MAP2K5: variants seen among roughly 807,000 people sequenced by gnomAD.
The protein encoded by MAP2K5 is mitogen-activated protein kinase kinase 5.
MAP2K5 carries 49 observed loss-of-function variants against 83.1 expected under a neutral mutation model. That is an observed-to-expected ratio of 0.59 (90% CI 0.47 to 0.75). The LOEUF (loss-of-function observed/expected upper bound fraction) is 0.75, where lower values mean the gene tolerates loss of function less well. MAP2K5 is among the 30% of genes least tolerant of loss of function. MAP2K5 has a pLI of 0.00. For synonymous variants in MAP2K5, 202 were observed against 191.8 expected, an observed-to-expected ratio of 1.05 and a Z score of -0.44; for missense variants, 457 against 557.5, an observed-to-expected ratio of 0.82 and a Z score of 1.82.
intron 1 of MAP2K5, among the ~76,000 whole-genome samples, chr15:67,546,998 G>A (rs1398754788): frequency 6.6e-6 from 1 of 151,794 alleles, no homozygotes; most frequent in African/African-American, 2.4e-5. Flanking sequence ...CCTAGAGGTC[G>A]AGGCTATAGG....
At position 67,755,486 on chromosome 15, in the gene MAP2K5, G is replaced by T. The variant is rs2089816010; in HGVS notation, c.1134+6885G>T. Among the ~76,000 whole-genome samples the T allele has an allele frequency of 1.3e-5, 2 of 152,026 alleles. No individual in the cohort carries two copies. The highest frequency in any genetic ancestry group is 2.9e-5 in the Non-Finnish European group (2 of 68,002). The stretch of plus-strand genomic sequence containing the variant: ...CCTCCATCCTCTTCACTGAGCATCC[G>T]GCCTGGGCTGGCATCAAACAGTGCC... On this transcript the variant is annotated intron_variant, in intron 19 of 21. Coordinates refer to ENST00000178640, the MANE Select transcript of MAP2K5 (RefSeq NM_145160.3). This position sits in a 1 kb window ranked among gnomAD's most constrained non-coding sequence, Gnocchi z 4.7.
intron 13 of MAP2K5, among the ~76,000 whole-genome samples, chr15:67,679,399 A>G (rs951476020): frequency 1.3e-5 from 2 of 152,132 alleles, no homozygotes; most frequent in Non-Finnish European, 2.9e-5. Flanking sequence ...GGGGGGAAAA[A>G]ATCAGTCCAG....
In MAP2K5 at chr15:67,698,333, G is replaced by A. The variant is rs542880894; in HGVS notation, c.972+4765G>A. On this transcript the variant is annotated intron_variant, in intron 15 of 21. Coordinates refer to ENST00000178640, the MANE Select transcript of MAP2K5 (RefSeq NM_145160.3). The surrounding 1 kb of genome is among the most constrained non-coding windows in gnomAD (Gnocchi z 4.5). ...CTCCAGAGTAGCTGGGATTACAGGC[G>A]TGCACCACCACGCCCGGCTAATTTT... is the stretch of plus-strand genomic sequence containing the variant. Among the ~76,000 whole-genome samples, 19 of 152,020 alleles carry A rather than the reference G, an allele frequency of 1.2e-4. No homozygotes were observed. The highest frequency in any genetic ancestry group is 5.8e-4 in the East Asian group (3 of 5,156).
chr15:67,684,412 G>C (rs2087895954), intron 13 of MAP2K5, among the ~76,000 whole-genome samples: 1 of 152,086 alleles, frequency 6.6e-6, no homozygotes, highest in Non-Finnish European at 1.5e-5. Flanking sequence ...TAAAATAAAA[G>C]GTCTAAAATC....
chr15:67,667,719 G>A (rs1363028046), intron 13 of MAP2K5, among the ~76,000 whole-genome samples: 1 of 152,088 alleles, frequency 6.6e-6, no homozygotes, highest in Non-Finnish European at 1.5e-5. Flanking sequence ...ATGGAGATGT[G>A]TTCAGTATCT....
At chr15:67,672,965 T>C (rs964074684) in intron 13 of MAP2K5, among the ~76,000 whole-genome samples, 31 of 152,142 alleles carry the variant, frequency 2.0e-4, no homozygotes, top group African/African-American at 7.2e-4. Flanking sequence ...AAAGATCAGA[T>C]AGTTGTAGAT....
intron 8 of MAP2K5, among the ~76,000 whole-genome samples, chr15:67,613,110 G>T (rs2085968602): frequency 6.6e-6 from 1 of 152,136 alleles, no homozygotes; most frequent in Admixed American, 6.6e-5. Flanking sequence ...ATAGGTGATT[G>T]AAACTGATTA....
intron 11 of MAP2K5, among the ~76,000 whole-genome samples, chr15:67,649,731 A>G (rs544265096): frequency 6.6e-6 from 1 of 152,264 alleles, no homozygotes; most frequent in South Asian, 2.1e-4. Flanking sequence ...GATTACTTGT[A>G]CTTGAAAACT....
At position 67,775,291 on chromosome 15, in the gene MAP2K5, A is replaced by G. The variant is rs923814937; in HGVS notation, c.1242+2539A>G. Among the ~76,000 whole-genome samples the G allele has an allele frequency of 2.8e-4, 42 of 152,194 alleles. No homozygotes were observed. Among genetic ancestry groups the G allele is most frequent in the Non-Finnish European group, 5.6e-4 (38 of 68,040 alleles). ...AGATATTTTATCCCCTCTACTTTGT[A>G]TGGTTGTTCTTATGATGGTTTTCGG... On this transcript the variant is annotated intron_variant, in intron 21 of 21. Coordinates refer to ENST00000178640, the MANE Select transcript of MAP2K5 (RefSeq NM_145160.3). The surrounding 1 kb of genome is among the most constrained non-coding windows in gnomAD (Gnocchi z 5.3).
At position 67,768,568 on chromosome 15, in the gene MAP2K5, T is replaced by A. The variant is rs1310498300; in HGVS notation, c.1135-1034T>A. Among the ~76,000 whole-genome samples the A allele has an allele frequency of 6.6e-6, 1 of 152,200 alleles. No individual in the cohort carries two copies. The highest frequency in any genetic ancestry group is 1.9e-4 in the East Asian group (1 of 5,206). On this transcript the variant is annotated intron_variant, in intron 19 of 21. Transcript: ENST00000178640. The surrounding 1 kb of genome is among the most constrained non-coding windows in gnomAD (Gnocchi z 4.0). ...AGTGAGATTAAAATAAGTCATTCCT[T>A]TGTTAATTTAAATAGGTGCATGTAT...
rs935300859 is a variant in MAP2K5 at position 67,736,655 on chromosome 15, C to G, written c.1074+8710C>G. Among the ~76,000 whole-genome samples, 5 of 152,148 alleles carry G rather than the reference C, an allele frequency of 3.3e-5. No individual in the cohort carries two copies. The highest frequency in any genetic ancestry group is 7.4e-5 in the Non-Finnish European group (5 of 68,024). On this transcript the variant is annotated intron_variant, in intron 17 of 21. Transcript: ENST00000178640. The surrounding 1 kb of genome is among the most constrained non-coding windows in gnomAD (Gnocchi z 4.3). ...ACCATATAATATATAGAATTATATA[C>G]AGAATCTCGTCATTTTTAGTTCAGT...
chr15:67,598,392 A>G (rs534985614), intron 7 of MAP2K5, among the ~76,000 whole-genome samples: 7 of 152,272 alleles, frequency 4.6e-5, no homozygotes, highest in South Asian at 2.1e-4. Flanking sequence ...GACTCTTGCA[A>G]TCCTCCTGGT....
intron 21 of MAP2K5, among the ~76,000 whole-genome samples, chr15:67,791,516 C>G (rs771540504): frequency 1.3e-5 from 2 of 152,136 alleles, no homozygotes; most frequent in Non-Finnish European, 2.9e-5. Context: ...ATCACATGAA[C>G]TAATGTAAAT....
At position 67,572,308 on chromosome 15, in the gene MAP2K5, C is replaced by T. The variant is rs1032595752; in HGVS notation, c.253-8446C>T. 6.6e-6 allele frequency among the ~76,000 whole-genome samples: 1 copy of T among 151,968 alleles called. No individual in the cohort carries two copies. The highest frequency in any genetic ancestry group is 1.5e-5 in the Non-Finnish European group (1 of 67,994). The stretch of plus-strand genomic sequence containing the variant: ...GGGTTAGACCATGGAGGGCCTTAGC[C>T]CAGGGAAGTGACATGATCATATCTC... On this transcript the variant is annotated intron_variant, in intron 3 of 21. Transcript: ENST00000178640. The surrounding 1 kb of genome is among the most constrained non-coding windows in gnomAD (Gnocchi z 4.2).
intron 13 of MAP2K5, among the ~76,000 whole-genome samples, chr15:67,680,570 A>G (rs11857017): frequency 0.27 from 40,729 of 152,122 alleles, 6,175 homozygotes; most frequent in East Asian, 0.53. Flanking sequence ...ATTTTTATTT[A>G]CCTAAAACCA....
chr15:67,751,659 T>A (rs552580444), intron 19 of MAP2K5, among the ~76,000 whole-genome samples: 14 of 152,340 alleles, frequency 9.2e-5, no homozygotes, highest in African/African-American at 3.4e-4. Flanking sequence ...ATCTATTTGT[T>A]CTTGGCAGCC....
rs2088333719 is a variant in MAP2K5, at chr15:67,698,866, C to T, written c.973-4471C>T. Among the ~76,000 whole-genome samples, 1 of 152,188 alleles carries T rather than the reference C, an allele frequency of 6.6e-6. No individual in the cohort carries two copies. The highest frequency in any genetic ancestry group is 1.5e-5 in the Non-Finnish European group (1 of 68,046). On this transcript the variant is annotated intron_variant, in intron 15 of 21. Coordinates refer to ENST00000178640, the MANE Select transcript of MAP2K5 (RefSeq NM_145160.3). The surrounding 1 kb of genome is among the most constrained non-coding windows in gnomAD (Gnocchi z 4.5). Reference sequence around the variant, plus strand: ...AGGAGGCTAACATTAACTGAGCATTCCCATGTGGCACGTACTGAAGCACAT... The same window carrying T: ...AGGAGGCTAACATTAACTGAGCATTTCCATGTGGCACGTACTGAAGCACAT...
At chr15:67,765,414 A>G (rs369044926) in intron 19 of MAP2K5, among the ~76,000 whole-genome samples, 3 of 152,196 alleles carry the variant, frequency 2.0e-5, no homozygotes, top group East Asian at 1.9e-4. Flanking sequence ...GAAAATTGTC[A>G]TAGATACAAG....
At chr15:67,701,107 A>G (rs747550737) in intron 15 of MAP2K5, among the ~76,000 whole-genome samples, 15 of 152,056 alleles carry the variant, frequency 9.9e-5, no homozygotes, top group Middle Eastern at 3.4e-3. Context: ...TCTGGGTGAA[A>G]TACTTGGTAC....
Sources: allele counts gnomAD v4.1 joint callset (sites outside exome capture counted in the v4.1 genomes callset), GRCh38; gene constraint gnomAD v4.1.1; non-coding constraint Gnocchi (gnomAD v3.1); transcripts MANE v1.5; gene names NCBI Gene and HGNC (gene_info 2026-07-23, HGNC 2026-07-21).